The following DOCK3 variants were observed in gnomAD, a reference collection of about 807,000 sequenced individuals.
DOCK3 encodes dedicator of cytokinesis 3.
A neutral mutation model predicts 265.6 loss-of-function variants in DOCK3; 60 were observed. The ratio of observed to expected loss-of-function variants is 0.23; its 90% CI spans 0.18 to 0.28. The LOEUF (loss-of-function observed/expected upper bound fraction) is 0.28. Ranked by LOEUF, DOCK3 falls within the 10% of genes least tolerant of loss-of-function variation. DOCK3 has a pLI of 1.00. For missense variants in DOCK3, 1,981 were observed against 2,594.3 expected (o/e 0.76, Z 5.14); for synonymous variants, 881 against 938.0 (o/e 0.94, Z 1.11).
intron 10 of DOCK3, among the ~76,000 whole-genome samples, chr3:51,149,277 A>C (rs373221266): frequency 6.6e-6 from 1 of 152,212 alleles, no homozygotes; most frequent in Non-Finnish European, 1.5e-5. Flanking sequence ...CAATCATGTC[A>C]TCTGCAAACA....
chr3:50,737,882 A>T (rs1214800681), intron 1 of DOCK3, among the ~76,000 whole-genome samples: 1 of 152,138 alleles, frequency 6.6e-6, no homozygotes, highest in African/African-American at 2.4e-5. Context: ...TGAATTGTTA[A>T]TGCAGTTTCT....
intron 2 of DOCK3, among the ~76,000 whole-genome samples, chr3:50,835,494 G>A (rs2045451261): frequency 1.3e-5 from 2 of 152,160 alleles, no homozygotes; most frequent in Admixed American, 6.6e-5. Context: ...CTTTTGAAGA[G>A]GATCAAAACA....
Position 50,915,126 on chromosome 3 carries a change from G to T in DOCK3, c.219-18855G>T, listed in dbSNP as rs551710964. Among the ~76,000 whole-genome samples the T allele has an allele frequency of 1.8e-4, 28 of 152,194 alleles. No homozygotes were observed. In the South Asian group the frequency reaches 5.6e-3, roughly 30 times the overall value. ...AGGTTTTAGTTGTAATTCTACTTGT[G>T]CATGGCAGGGCACAGCACTGGCTTG... is the stretch of plus-strand genomic sequence containing the variant. On this transcript the variant is annotated intron_variant, in intron 4 of 52. Coordinates refer to ENST00000266037, the MANE Select transcript of DOCK3 (RefSeq NM_004947.5).
intron 4 of DOCK3, among the ~76,000 whole-genome samples, chr3:50,909,464 G>A (rs190340376): frequency 1.4e-4 from 21 of 151,990 alleles, no homozygotes; most frequent in African/African-American, 2.4e-4. Context: ...TCTCTTCTTC[G>A]CTTATGAAGC....
chr3:51,065,077 G>C (rs948518011), intron 6 of DOCK3, among the ~76,000 whole-genome samples: 1 of 152,066 alleles, frequency 6.6e-6, no homozygotes, highest in Non-Finnish European at 1.5e-5. Context: ...TAATAGTCTT[G>C]CATTTATGTA....
intron 5 of DOCK3, among the ~76,000 whole-genome samples, chr3:50,984,094 C>T (rs1313338160): frequency 1.3e-5 from 2 of 151,842 alleles, no homozygotes; most frequent in Non-Finnish European, 2.9e-5. Flanking sequence ...CACCCCTTGC[C>T]ACTCCATGCC....
At chr3:50,829,519 A>G (rs557292972) in intron 2 of DOCK3, among the ~76,000 whole-genome samples, 1 of 152,110 alleles carries the variant, frequency 6.6e-6, no homozygotes, top group Non-Finnish European at 1.5e-5. Flanking sequence ...GTAGCCCTCA[A>G]TGTCAACATT....
At chr3:50,920,930 G>C (rs898861335) in intron 4 of DOCK3, among the ~76,000 whole-genome samples, 2 of 152,166 alleles carry the variant, frequency 1.3e-5, no homozygotes, top group Non-Finnish European at 2.9e-5. Flanking sequence ...ATGTGTCCCA[G>C]AGATTCTGGT....
At chr3:51,356,579 A>T in intron 43 of DOCK3, 86 bp downstream of exon 43, 4 of 1,410,582 alleles carry the variant, frequency 2.8e-6, no homozygotes, top group Non-Finnish European at 3.9e-6. Flanking sequence ...ACTAAAGAAA[A>T]AGAGAGCGTC....
At chr3:51,133,572 A>G (rs1029314319) in intron 9 of DOCK3, among the ~76,000 whole-genome samples, 1 of 152,078 alleles carries the variant, frequency 6.6e-6, no homozygotes, top group Admixed American at 6.5e-5. Context: ...ATTGATGGAC[A>G]TTTGGGTTGG....
intron 5 of DOCK3, among the ~76,000 whole-genome samples, chr3:51,028,326 T>G (rs1020703686): frequency 3.3e-5 from 5 of 152,126 alleles, no homozygotes; most frequent in Admixed American, 3.3e-4. Flanking sequence ...TTATAGATAA[T>G]TTAGCCCTTT....
At chr3:50,938,675 T>C (rs2051530843) in intron 5 of DOCK3, among the ~76,000 whole-genome samples, 1 of 151,816 alleles carries the variant, frequency 6.6e-6, no homozygotes, top group African/African-American at 2.4e-5. Flanking sequence ...AAGAGGAAAC[T>C]GTAAGAGAAA....
chr3:50,776,670 T>C (rs1302116149), intron 1 of DOCK3, among the ~76,000 whole-genome samples: 4 of 152,174 alleles, frequency 2.6e-5, no homozygotes, highest in South Asian at 4.1e-4. Context: ...AGGAGAGTTT[T>C]TTTCCATGTT....
chr3:51,227,937 CA>C, intron 16 of DOCK3, 44 bp from the exon 17 acceptor site: 1 of 1,578,362 alleles, frequency 6.3e-7, no homozygotes, highest in Non-Finnish European at 8.7e-7. Context: ...CATGAGGAAG[CA>C]GAGTGGAAGG....
intron 12 of DOCK3, among the ~76,000 whole-genome samples, chr3:51,163,556 C>G (rs1026975085): frequency 3.9e-5 from 6 of 151,900 alleles, no homozygotes; most frequent in African/African-American, 1.4e-4. Context: ...GACAAGGGGT[C>G]ACAAGCAGGC....
intron 1 of DOCK3, among the ~76,000 whole-genome samples, chr3:50,750,355 T>C (rs2039717679): frequency 7.5e-6 from 1 of 132,776 alleles, no homozygotes. Flanking sequence ...TGAGATAGAG[T>C]CTCATTCTGT....
At chr3:51,065,844 A>G (rs896657049) in intron 6 of DOCK3, among the ~76,000 whole-genome samples, 1 of 152,242 alleles carries the variant, frequency 6.6e-6, no homozygotes. Flanking sequence ...ACAATCAGGT[A>G]TCACCAGATG....
intron 12 of DOCK3, among the ~76,000 whole-genome samples, chr3:51,198,221 A>C (rs1157368392): frequency 6.6e-6 from 1 of 152,238 alleles, no homozygotes; most frequent in African/African-American, 2.4e-5. Flanking sequence ...AAATAGACCC[A>C]GGAAAGTTAT....
At chr3:50,839,769 C>G (rs930533513) in intron 2 of DOCK3, among the ~76,000 whole-genome samples, 20 of 122,742 alleles carry the variant, frequency 1.6e-4, no homozygotes, top group African/African-American at 5.1e-4. Context: ...CTCCTCTCTC[C>G]TCTCCTCTTC....
Sources: allele counts gnomAD v4.1 joint callset (sites outside exome capture counted in the v4.1 genomes callset), GRCh38; gene constraint gnomAD v4.1.1; transcripts MANE v1.5; gene names NCBI Gene and HGNC (gene_info 2026-07-23, HGNC 2026-07-21).